RAP1GAP: variants seen among roughly 807,000 people sequenced by gnomAD.
The protein encoded by RAP1GAP is RAP1 GTPase activating protein.
A neutral mutation model predicts 87.2 loss-of-function variants in RAP1GAP; 35 were observed. The ratio of observed to expected loss-of-function variants is 0.40; its 90% CI spans 0.31 to 0.53. RAP1GAP has a LOEUF of 0.53. Among genes scored for constraint, RAP1GAP ranks in the 20% least tolerant of loss-of-function variants. RAP1GAP has a pLI of 0.48. For synonymous variants in RAP1GAP, 375 were observed against 363.9 expected, an observed-to-expected ratio of 1.03 and a Z score of -0.35; for missense variants, 734 against 898.9, an observed-to-expected ratio of 0.82 and a Z score of 2.35.
At chr1:21,617,898 T>G in intron 6 of RAP1GAP, 36 bp downstream of exon 6, 1 of 1,614,040 alleles carries the variant, frequency 6.2e-7, no homozygotes, top group African/African-American at 1.3e-5. Flanking sequence ...CCTCCTGGGC[T>G]TGAGTAAGGG....
Position 21,597,289 on chromosome 1 carries a change from C to A in RAP1GAP, c.*35-25G>T, listed in dbSNP as rs866721615. 9.1e-5 allele frequency: 17 copies of A among 187,814 alleles called. No homozygotes were observed. The Middle Eastern group carries it at 8.7e-3, about 96-fold the overall frequency. The allele number at this position is 187,814 out of a possible 1,614,324, so 11.6% of individuals were successfully genotyped here. Reference sequence around the variant, plus strand: ...TCTGCAGGGCAAAGGGGGATGGAGACACCATGAAACATGGCATGGTGGGTG... The same window carrying A: ...TCTGCAGGGCAAAGGGGGATGGAGAAACCATGAAACATGGCATGGTGGGTG... On this transcript the variant is annotated intron_variant, in intron 24 of 24. Transcript: ENST00000374765.
At chr1:21,628,042 C>T (rs1389467221) in intron 2 of RAP1GAP, among the ~76,000 whole-genome samples, 1 of 152,174 alleles carries the variant, frequency 6.6e-6, no homozygotes, top group Admixed American at 6.5e-5. Flanking sequence ...GGAATTCACT[C>T]AATGAAAACT....
chr1:21,649,682 AG>A, intron 2 of RAP1GAP, 78 bp downstream of exon 2: 1 of 1,462,606 alleles, frequency 6.8e-7, no homozygotes, highest in Non-Finnish European at 9.4e-7. Flanking sequence ...CTGGCATCGC[AG>A]GGGTAGGAAT....
intron 1 of RAP1GAP, among the ~76,000 whole-genome samples, chr1:21,662,718 A>G (rs1385649746): frequency 6.6e-6 from 1 of 151,826 alleles, no homozygotes; most frequent in East Asian, 1.9e-4. Flanking sequence ...GCCCTCCCCA[A>G]CCCCTTCTCA....
chr1:21,604,054 C>G, intron 18 of RAP1GAP: 2 of 682,310 alleles, frequency 2.9e-6, no homozygotes, highest in Non-Finnish European at 4.9e-6. Context: ...GAGAACGGTG[C>G]AGGAGGCAAT....
chr1:21,640,533 A>ATG (rs1491095645), intron 2 of RAP1GAP, among the ~76,000 whole-genome samples: 3 of 152,132 alleles, frequency 2.0e-5, no homozygotes, highest in African/African-American at 7.2e-5. Context: ...GTAGGGAAAT[A>ATG]TGTGTGTGTG....
At position 21,598,071 on chromosome 1, in the gene RAP1GAP, A is replaced by AG. The variant is rs766082379; in HGVS notation, c.1880-8dup. The AG allele has an allele frequency of 1.6e-4, 124 of 783,350 alleles. No individual in the cohort carries two copies. Among genetic ancestry groups the AG allele is most frequent in the African/African-American group, 3.6e-5 (2 of 55,204 alleles). The allele number at this position is 783,350 out of a possible 1,614,324, so 48.5% of individuals were successfully genotyped here. ...TGGGGTGATCGAGAGGGGCCTGGGG[A>AG]GGGGGGCAGGAGGGAGCCACCTCAC... On this transcript the variant is annotated splice_region_variant and splice_polypyrimidine_tract_variant and intron_variant, in intron 22 of 24. Coordinates refer to ENST00000374765, the MANE Select transcript of RAP1GAP (RefSeq NM_002885.4).
In RAP1GAP at chr1:21,610,000, G is replaced by A. The variant is rs1209340613; in HGVS notation, c.999+120C>T. 2.4e-6 allele frequency: 3 copies of A among 1,259,032 alleles called. No homozygotes were observed. The highest frequency in any genetic ancestry group is 1.1e-6 in the Non-Finnish European group (1 of 924,034). The allele number at this position is 1,259,032 out of a possible 1,614,324, so 78.0% of individuals were successfully genotyped here. On this transcript the variant is annotated intron_variant, in intron 14 of 24. Transcript: ENST00000374765. This position sits in a 1 kb window ranked among gnomAD's most constrained non-coding sequence, Gnocchi z 4.4. Reference sequence around the variant, plus strand: ...GTGGTGTGAACAGTGCACCATTGAAGCCTTCCATGGTCCCCCCATTATAGC... The same window carrying A: ...GTGGTGTGAACAGTGCACCATTGAAACCTTCCATGGTCCCCCCATTATAGC...
At position 21,615,523 on chromosome 1, in the gene RAP1GAP, C is replaced by G. The variant is rs545027156; in HGVS notation, c.292-1434G>C. On this transcript the variant is annotated intron_variant, in intron 7 of 24. Coordinates refer to ENST00000374765, the MANE Select transcript of RAP1GAP (RefSeq NM_002885.4). This position sits in a 1 kb window ranked among gnomAD's most constrained non-coding sequence, Gnocchi z 4.5. ...TCTCCTGCCTCAGCCTCCTGAGTAG[C>G]TGGGATTACAGGCGCCCAGCACCAC... Among the ~76,000 whole-genome samples the G allele has an allele frequency of 1.3e-5, 2 of 152,270 alleles. No individual in the cohort carries two copies. Among genetic ancestry groups the G allele is most frequent in the Admixed American group, 1.3e-4 (2 of 15,298 alleles).
At chr1:21,641,754 C>G (rs1400989654) in intron 2 of RAP1GAP, among the ~76,000 whole-genome samples, 2 of 152,180 alleles carry the variant, frequency 1.3e-5, no homozygotes, top group Non-Finnish European at 2.9e-5. Flanking sequence ...CAATGTCACA[C>G]AGCAAACAGC....
In RAP1GAP at chr1:21,605,943, G is replaced by C. The variant is rs1002255210; in HGVS notation, c.1428+123C>G. ...AAGTAGTGGCTAGACCAAATCCAGAGCCTAGGATGGGCATGTGGGCAGCAG... is the reference window on the plus strand; with the variant it reads ...AAGTAGTGGCTAGACCAAATCCAGACCCTAGGATGGGCATGTGGGCAGCAG... On this transcript the variant is annotated intron_variant, in intron 18 of 24. Coordinates refer to ENST00000374765, the MANE Select transcript of RAP1GAP (RefSeq NM_002885.4). 4.0e-6 allele frequency: 5 copies of C among 1,257,056 alleles called. No individual in the cohort carries two copies. The East Asian group carries it at 1.3e-4, about 32-fold the overall frequency. 77.9% of individuals were successfully genotyped at this position (1,257,056 alleles called of 1,614,324 possible).
At position 21,603,902 on chromosome 1, in the gene RAP1GAP, A is replaced by G. The variant is rs767917050; in HGVS notation, c.1429-989T>C. ...GAATCTACTCGCACTTTTCCCAGGAATAAGCAATGACTGGCAAGCAGCAGA... is the reference window on the plus strand; with the variant it reads ...GAATCTACTCGCACTTTTCCCAGGAGTAAGCAATGACTGGCAAGCAGCAGA... On this transcript the variant is annotated intron_variant, in intron 18 of 24. Transcript: ENST00000374765. This position sits in a 1 kb window ranked among gnomAD's most constrained non-coding sequence, Gnocchi z 6.0. 6.5e-7 allele frequency: 1 copy of G among 1,547,368 alleles called. No individual in the cohort carries two copies. Among genetic ancestry groups the G allele is most frequent in the Non-Finnish European group, 8.8e-7 (1 of 1,142,600 alleles).
Position 21,608,321 on chromosome 1 carries a change from C to CGT in RAP1GAP, c.1186_1187dup (p.Leu397ArgfsTer13), listed in dbSNP as rs1558649340. The stretch of plus-strand genomic sequence containing the variant: ...TGTGGATGTGTAGTTCCTCATAGAG[C>CGT]GTCTCCAGGAGGGCGGCCCGCGTCC... On this transcript the variant is annotated frameshift_variant, in exon 17 of 25. Transcript: ENST00000374765. LOFTEE classifies it high-confidence loss of function. The CGT allele has an allele frequency of 6.2e-7, 1 of 1,613,710 alleles. No individual in the cohort carries two copies. The highest frequency in any genetic ancestry group is 8.5e-7 in the Non-Finnish European group (1 of 1,179,864).
intron 2 of RAP1GAP, among the ~76,000 whole-genome samples, chr1:21,647,908 G>A (rs1408640033): frequency 2.4e-4 from 37 of 152,180 alleles, no homozygotes. Flanking sequence ...TGCTGACTGG[G>A]CCATGTTCCC....
chr1:21,613,628 C>T lies in RAP1GAP; in HGVS notation c.474G>A (p.Lys158=), dbSNP rs753343692. ...TEFPNVVQMA[K]LVCEDVNVDR... ...AAGCTCAGCGGAGCGGAGACCTCAC[C>T]TTTGCCATCTGGACAACATTAGGGA... Residue 158 remains lysine, a splice_region_variant and synonymous_variant, in exon 9 of 25, where the codon AAG becomes AAA. Transcript: ENST00000374765. The surrounding 1 kb of genome is among the most constrained non-coding windows in gnomAD (Gnocchi z 4.7). The T allele has an allele frequency of 8.1e-6, 13 of 1,611,766 alleles. No homozygotes were observed. The highest frequency in any genetic ancestry group is 1.1e-5 in the Non-Finnish European group (13 of 1,178,052).
chr1:21,663,589 AC>A (rs2097228677), intron 1 of RAP1GAP, among the ~76,000 whole-genome samples: 1 of 151,826 alleles, frequency 6.6e-6, no homozygotes, highest in South Asian at 2.1e-4. Context: ...CCTCCACCCT[AC>A]CCCTCGAGCC....
intron 18 of RAP1GAP, among the ~76,000 whole-genome samples, chr1:21,604,388 G>A (rs544545792): frequency 6.6e-6 from 1 of 152,084 alleles, no homozygotes; most frequent in Admixed American, 6.5e-5. Context: ...AGAGCCAAAG[G>A]GCAGAGAGGC....
intron 1 of RAP1GAP, among the ~76,000 whole-genome samples, chr1:21,651,166 C>T (rs1284873191): frequency 6.6e-6 from 1 of 152,234 alleles, no homozygotes; most frequent in Non-Finnish European, 1.5e-5. Flanking sequence ...CTCTGACCTC[C>T]TCCAGGCCTC....
chr1:21,651,950 G>T (rs1558887005), intron 1 of RAP1GAP: 4 of 819,938 alleles, frequency 4.9e-6, no homozygotes, highest in African/African-American at 1.9e-5. Context: ...GCGCCCCAGC[G>T]GGCCGCGGTC....
Sources: gnomAD v4.1 joint callset for allele counts (sites outside exome capture counted in the v4.1 genomes callset) on GRCh38, gnomAD v4.1.1 for gene constraint, Gnocchi (gnomAD v3.1) non-coding constraint, MANE v1.5 for transcripts, NCBI Gene and HGNC (gene_info 2026-07-23, HGNC 2026-07-21) for gene names.